The following PAK3 variants were observed in gnomAD, a reference collection of about 807,000 sequenced individuals.
PAK3 encodes serine/threonine-protein kinase PAK 3.
In PAK3, 4 loss-of-function variants were observed where a neutral mutation model predicts 41.0. The ratio of observed to expected loss-of-function variants is 0.10; its 90% confidence interval spans 0.05 to 0.22. PAK3 has a LOEUF of 0.22. Among genes scored for constraint, PAK3 ranks in the 10% least tolerant of loss-of-function variants. PAK3 has a pLI of 1.00. For missense variants in PAK3, 205 were observed against 409.9 expected, an observed-to-expected ratio of 0.50 and a Z score of 4.32; for synonymous variants, 146 against 139.6, an observed-to-expected ratio of 1.05 and a Z score of -0.32.
chrX:111,160,215 A>T (rs1393212366), intron 8 of PAK3, among the ~76,000 whole-genome samples: 3 of 111,901 alleles, frequency 2.7e-5, no homozygotes, highest in Non-Finnish European at 5.6e-5. Context: ...TATAAACTAT[A>T]GTCATAACTT....
At chrX:111,216,083 GA>G (rs1018874415) in intron 16 of PAK3, among the ~76,000 whole-genome samples, 3 of 112,168 alleles carry the variant, frequency 2.7e-5, no homozygotes, top group Admixed American at 1.9e-4. Context: ...AGTCTTTAGA[GA>G]AACAGATTTA....
At chrX:111,209,297 A>T (rs999833366) in intron 16 of PAK3, among the ~76,000 whole-genome samples, 1 of 111,934 alleles carries the variant, frequency 8.9e-6, no homozygotes, top group Non-Finnish European at 1.9e-5. Flanking sequence ...AGTTCTTCTT[A>T]TCTCCACAAG....
intron 1 of PAK3, among the ~76,000 whole-genome samples, chrX:110,994,230 A>C: frequency 8.9e-6 from 1 of 112,164 alleles, no homozygotes; most frequent in Admixed American, 9.4e-5. Flanking sequence ...TGTCCTTCTC[A>C]GATATTGTTG....
chrX:111,147,194 C>A (rs2093956992), intron 6 of PAK3, among the ~76,000 whole-genome samples: 1 of 111,448 alleles, frequency 9.0e-6, no homozygotes. Flanking sequence ...ACCAACCTGC[C>A]TTTATAGTAA....
At chrX:111,146,224 C>A (rs1165868073) in intron 6 of PAK3, among the ~76,000 whole-genome samples, 3 of 112,108 alleles carry the variant, frequency 2.7e-5, no homozygotes, top group African/African-American at 9.7e-5. Context: ...TTAATAATTT[C>A]TCCAATCATT....
chrX:111,061,363 T>C (rs2092653924), intron 1 of PAK3, among the ~76,000 whole-genome samples: 1 of 111,983 alleles, frequency 8.9e-6, no homozygotes, highest in Non-Finnish European at 1.9e-5. Context: ...TATTTTTGTC[T>C]AGTCATGTGA....
At chrX:111,160,988 G>A (rs1342276111) in intron 8 of PAK3, among the ~76,000 whole-genome samples, 2 of 110,775 alleles carry the variant, frequency 1.8e-5, no homozygotes, top group Admixed American at 1.9e-4. Context: ...CCCAGTAATG[G>A]GATGGCTGGG....
intron 1 of PAK3, among the ~76,000 whole-genome samples, chrX:111,008,424 C>A (rs927618881): frequency 8.9e-6 from 1 of 112,952 alleles, no homozygotes; most frequent in African/African-American, 3.2e-5. Context: ...AGCAGCCAAG[C>A]ACACTTTGCA....
intron 16 of PAK3, among the ~76,000 whole-genome samples, chrX:111,215,162 T>G (rs2094864557): frequency 8.9e-6 from 1 of 111,917 alleles, no homozygotes; most frequent in South Asian, 3.8e-4. Flanking sequence ...CACTGTCTTA[T>G]TCATCCTTAG....
intron 1 of PAK3, among the ~76,000 whole-genome samples, chrX:110,969,094 ATTTTTTTTTTTTTT>A (rs60724970): frequency 2.5e-5 from 1 of 40,612 alleles, no homozygotes; most frequent in Non-Finnish European, 4.0e-5. Flanking sequence ...GACCTGCCTA[ATTTTTTTTTTTTTT>A]TTTTTTTTTT....
At chrX:111,151,654 T>C (rs879190991) in intron 7 of PAK3, among the ~76,000 whole-genome samples, 1 of 112,388 alleles carries the variant, frequency 8.9e-6, no homozygotes, top group Admixed American at 9.4e-5. Context: ...ATGTATATCA[T>C]GTTTTTTTTC....
intron 1 of PAK3, among the ~76,000 whole-genome samples, chrX:110,953,203 C>T (rs1569495780): frequency 9.0e-6 from 1 of 111,579 alleles, no homozygotes; most frequent in African/African-American, 3.3e-5. Flanking sequence ...AAAATAAAAA[C>T]CTCATTAACA....
chrX:111,035,757 GC>G (rs749975779), intron 1 of PAK3, among the ~76,000 whole-genome samples: 28 of 112,187 alleles, frequency 2.5e-4, no homozygotes, highest in Admixed American at 4.7e-4. Context: ...TTCCATCTTT[GC>G]TTCAGCCCTT....
chrX:111,087,287 T>C (rs1259475290), intron 1 of PAK3, among the ~76,000 whole-genome samples: 1 of 110,567 alleles, frequency 9.0e-6, no homozygotes, highest in African/African-American at 3.3e-5. Flanking sequence ...TATTTATTTA[T>C]TGAGTAGGGA....
At chrX:111,008,804 T>A (rs1239276160) in intron 1 of PAK3, among the ~76,000 whole-genome samples, 3 of 111,836 alleles carry the variant, frequency 2.7e-5, no homozygotes, top group Admixed American at 9.5e-5. Context: ...TGTTATTATT[T>A]GAGAAAAGTC....
At chrX:111,174,237 C>G (rs767741202) in intron 11 of PAK3, among the ~76,000 whole-genome samples, 1 of 111,000 alleles carries the variant, frequency 9.0e-6, no homozygotes, top group Admixed American at 9.6e-5. Context: ...AGCTTTTGTA[C>G]TAAAGTTTCT....
intron 1 of PAK3, among the ~76,000 whole-genome samples, chrX:111,028,436 T>G (rs1451194941): frequency 9.0e-6 from 1 of 111,391 alleles, no homozygotes; most frequent in East Asian, 2.8e-4. Flanking sequence ...GCCACAGATT[T>G]GTACAAGCAA....
intron 1 of PAK3, among the ~76,000 whole-genome samples, chrX:111,043,275 T>C (rs1335067237): frequency 2.0e-5 from 2 of 102,267 alleles, no homozygotes; most frequent in African/African-American, 3.7e-5. Flanking sequence ...GCCTGGGTGA[T>C]AGAATGAGAC....
chrX:111,102,032 G>T (rs2093151274), intron 3 of PAK3, among the ~76,000 whole-genome samples: 1 of 111,906 alleles, frequency 8.9e-6, no homozygotes, highest in East Asian at 2.8e-4. Context: ...TGTTCATTCT[G>T]GTCTGTAATA....
Sources: allele counts gnomAD v4.1 joint callset (sites outside exome capture counted in the v4.1 genomes callset), GRCh38; gene constraint gnomAD v4.1.1; transcripts MANE v1.5; gene names NCBI Gene and HGNC (gene_info 2026-07-23, HGNC 2026-07-21).